UHRF2: variants seen among roughly 807,000 people sequenced by gnomAD.
UHRF2 encodes the protein ubiquitin like with PHD and ring finger domains 2, also known as E3 ubiquitin-protein ligase UHRF2.
UHRF2 carries 23 observed loss-of-function variants against 96.8 expected under a neutral mutation model. The observed-to-expected ratio is 0.24, with a 90% confidence interval of 0.17 to 0.34. The LOEUF (loss-of-function observed/expected upper bound fraction) is 0.34. Ranked by LOEUF, UHRF2 falls within the 10% of genes least tolerant of loss-of-function variation. The pLI is 1.00. For missense variants in UHRF2, 685 were observed against 981.5 expected, an observed-to-expected ratio of 0.70 and a Z score of 4.04; for synonymous variants, 385 against 332.6, an observed-to-expected ratio of 1.16 and a Z score of -1.72.
chr9:6,506,001 G>C, intron 15 of UHRF2, 32 bp from the exon 16 acceptor site: 2 of 1,613,020 alleles, frequency 1.2e-6, no homozygotes, highest in Non-Finnish European at 1.7e-6. Context: ...TTTATGCTCA[G>C]ATTAAATTGG....
intron 3 of UHRF2, among the ~76,000 whole-genome samples, chr9:6,456,339 G>C (rs907593184): frequency 5.9e-5 from 9 of 152,064 alleles, no homozygotes; most frequent in African/African-American, 1.4e-4. Flanking sequence ...GTCTCCTTTT[G>C]AGAACTGTCT....
chr9:6,473,464 T>C (rs1823372817), intron 4 of UHRF2, among the ~76,000 whole-genome samples: 1 of 152,318 alleles, frequency 6.6e-6, no homozygotes, highest in Non-Finnish European at 1.5e-5. Context: ...AAAGGAATGA[T>C]AGAATGGGAA....
At chr9:6,472,599 G>A (rs548483442) in intron 4 of UHRF2, among the ~76,000 whole-genome samples, 4 of 152,266 alleles carry the variant, frequency 2.6e-5, no homozygotes, top group East Asian at 3.9e-4. Context: ...AAAGAGTTGC[G>A]CTAAACATTT....
intron 3 of UHRF2, among the ~76,000 whole-genome samples, chr9:6,459,877 G>A (rs945090123): frequency 6.6e-6 from 1 of 152,208 alleles, no homozygotes; most frequent in African/African-American, 2.4e-5. Flanking sequence ...GGCAGCTCAG[G>A]CTCGGGGATT....
chr9:6,428,575 C>CTTTTTTTTTTTTTTTTTTTTT (rs1820393659), intron 2 of UHRF2, among the ~76,000 whole-genome samples: 1 of 81,440 alleles, frequency 1.2e-5, no homozygotes, highest in African/African-American at 5.3e-5. Flanking sequence ...TTTTTTTGAA[C>CTTTTTTTTTTTTTTTTTTTTT]GATCTCATTC....
chr9:6,415,411 G>C (rs1302281515), intron 1 of UHRF2: 2 of 152,216 alleles, frequency 1.3e-5, no homozygotes, highest in Non-Finnish European at 2.9e-5. Context: ...AGAAAAGGAA[G>C]GTCATTGGTA....
chr9:6,500,004 C>A, intron 13 of UHRF2, 73 bp downstream of exon 13: 1 of 1,201,342 alleles, frequency 8.3e-7, no homozygotes, highest in Non-Finnish European at 1.2e-6. Flanking sequence ...CGGGGTCTCA[C>A]TCTTGTCACC....
Position 6,421,146 on chromosome 9 carries a change from T to G in UHRF2, c.384+4T>G, listed in dbSNP as rs780878426. 3.4e-5 allele frequency: 55 copies of G among 1,595,600 alleles called. No individual in the cohort carries two copies. The highest frequency in any genetic ancestry group is 4.5e-5 in the Non-Finnish European group (53 of 1,165,170). On this transcript the variant is annotated splice_donor_region_variant and intron_variant, in intron 2 of 15. Coordinates refer to ENST00000276893, the MANE Select transcript of UHRF2 (RefSeq NM_152896.3). ...TCCTGGCTTTGGAATATATAAGGTA[T>G]GTTGTTTTCTTCAGACTTACTGTTG...
chr9:6,462,915 T>TA (rs997536526), intron 4 of UHRF2, among the ~76,000 whole-genome samples: 11 of 149,186 alleles, frequency 7.4e-5, no homozygotes, highest in Non-Finnish European at 1.2e-4. Flanking sequence ...AGACTCTGTC[T>TA]AAAAAAAAAG....
intron 1 of UHRF2, among the ~76,000 whole-genome samples, chr9:6,417,262 C>A (rs1240707178): frequency 6.6e-6 from 1 of 152,094 alleles, no homozygotes; most frequent in African/African-American, 2.4e-5. Context: ...AGTAAAATTT[C>A]AAGAGTGGTC....
rs372656910 is a variant in UHRF2 at position 6,460,576 on chromosome 9, C to T, written c.648C>T (p.Tyr216=). Reference sequence around the variant, plus strand: ...ATATGGTTTTCTCTCTCCTCAGATACCCAGAAAGCGGTACTCTAGAAATGA... The same window carrying T: ...ATATGGTTTTCTCTCTCCTCAGATATCCAGAAAGCGGTACTCTAGAAATGA... ...DVIYHIQYDE[Y]PESGTLEMNV... The change falls in exon 4 of 16, where the codon TAC becomes TAT. Residue 216 remains tyrosine, a synonymous_variant. Coordinates refer to ENST00000276893, the MANE Select transcript of UHRF2 (RefSeq NM_152896.3). 2 of 1,598,392 alleles carry T rather than the reference C, an allele frequency of 1.3e-6. No individual in the cohort carries two copies. The highest frequency in any genetic ancestry group is 2.7e-5 in the African/African-American group (2 of 74,542).
intron 3 of UHRF2, among the ~76,000 whole-genome samples, chr9:6,459,418 C>T (rs1442377827): frequency 6.6e-6 from 1 of 152,202 alleles, no homozygotes; most frequent in African/African-American, 2.4e-5. Context: ...CCTGTAATCC[C>T]AGCACTTTGT....
At chr9:6,430,653 C>G (rs1051455434) in intron 2 of UHRF2, among the ~76,000 whole-genome samples, 1 of 152,124 alleles carries the variant, frequency 6.6e-6, no homozygotes, top group Non-Finnish European at 1.5e-5. Context: ...CCCTGATCAC[C>G]CACAGCCAGG....
chr9:6,454,904 T>C (rs947319691), intron 3 of UHRF2, among the ~76,000 whole-genome samples: 15 of 152,334 alleles, frequency 9.8e-5, no homozygotes, highest in Non-Finnish European at 2.2e-4. Context: ...AAATGTAGAT[T>C]GCTGGACCTC....
At chr9:6,488,823 T>G (rs1824477461) in intron 9 of UHRF2, among the ~76,000 whole-genome samples, 1 of 135,208 alleles carries the variant, frequency 7.4e-6, no homozygotes, top group Non-Finnish European at 1.6e-5. Context: ...TTTTGTTTTG[T>G]TTTTTTTGAG....
At chr9:6,432,165 A>G (rs1023950373) in intron 2 of UHRF2, among the ~76,000 whole-genome samples, 6 of 152,170 alleles carry the variant, frequency 3.9e-5, no homozygotes, top group African/African-American at 1.4e-4. Context: ...CCTACCCAGC[A>G]TGGTTGGCTC....
intron 3 of UHRF2, among the ~76,000 whole-genome samples, chr9:6,445,355 C>A (rs1226434447): frequency 6.6e-6 from 1 of 152,016 alleles, no homozygotes; most frequent in Admixed American, 6.5e-5. Flanking sequence ...CCTCCACCTC[C>A]CAGGTTCAAG....
At chr9:6,495,725 C>G (rs1224284821) in intron 10 of UHRF2, 2 of 152,110 alleles carry the variant, frequency 1.3e-5, no homozygotes, top group Non-Finnish European at 2.9e-5. Context: ...GTTTCATCCT[C>G]TTGGACTCTT....
intron 9 of UHRF2, among the ~76,000 whole-genome samples, chr9:6,488,848 T>G (rs912019833): frequency 1.3e-5 from 2 of 151,682 alleles, no homozygotes; most frequent in Non-Finnish European, 2.9e-5. Flanking sequence ...AGTCTCACTC[T>G]GTCTTCCAGG....
Sources: allele counts gnomAD v4.1 joint callset (sites outside exome capture counted in the v4.1 genomes callset), GRCh38; gene constraint gnomAD v4.1.1; transcripts MANE v1.5; gene names NCBI Gene and HGNC (gene_info 2026-07-23, HGNC 2026-07-21).